Variants in PDE7B observed in about 807,000 individuals in gnomAD.
PDE7B encodes phosphodiesterase 7B.
PDE7B carries 29 observed loss-of-function variants against 56.2 expected under a neutral mutation model. The ratio of observed to expected loss-of-function variants is 0.52; its 90% CI spans 0.38 to 0.70. PDE7B has a LOEUF of 0.70. PDE7B is among the 30% of genes least tolerant of loss of function. PDE7B has a pLI of 0.00. For synonymous variants in PDE7B, 197 were observed against 196.9 expected, an observed-to-expected ratio of 1.00 and a Z score of 0.00; for missense variants, 490 against 565.0, an observed-to-expected ratio of 0.87 and a Z score of 1.35.
chr6:135,976,032 T>C (rs1043524747), intron 2 of PDE7B, among the ~76,000 whole-genome samples: 4 of 152,058 alleles, frequency 2.6e-5, no homozygotes, highest in Non-Finnish European at 5.9e-5. Context: ...AACCCAGAAA[T>C]GGTGGCGTTC....
At chr6:136,028,329 G>A (rs1014458187) in intron 2 of PDE7B, among the ~76,000 whole-genome samples, 2 of 152,120 alleles carry the variant, frequency 1.3e-5, no homozygotes, top group Non-Finnish European at 2.9e-5. Context: ...CTTTAAGGTG[G>A]GGCACAAAGA....
intron 2 of PDE7B, among the ~76,000 whole-genome samples, chr6:136,101,757 G>A (rs1400998642): frequency 6.6e-6 from 1 of 152,244 alleles, no homozygotes; most frequent in East Asian, 1.9e-4. Flanking sequence ...ACACTCCAGT[G>A]GAGTCTACAT....
intron 3 of PDE7B, among the ~76,000 whole-genome samples, chr6:136,119,414 G>A (rs771143326): frequency 5.9e-5 from 9 of 151,836 alleles, no homozygotes; most frequent in Non-Finnish European, 7.4e-5. Context: ...TTCAATGTCC[G>A]CCAGAAAAAG....
At chr6:136,174,638 CCTT>C (rs1778948196) in intron 9 of PDE7B, among the ~76,000 whole-genome samples, 1 of 152,000 alleles carries the variant, frequency 6.6e-6, no homozygotes, top group Non-Finnish European at 1.5e-5. Context: ...ATTGCTGTAC[CCTT>C]CTTCAAGACA....
intron 2 of PDE7B, among the ~76,000 whole-genome samples, chr6:135,987,642 C>T (rs945977872): frequency 3.9e-5 from 6 of 152,086 alleles, no homozygotes; most frequent in East Asian, 1.9e-4. Flanking sequence ...ATCACACCAA[C>T]GAGAAGGAGC....
At chr6:135,898,156 C>A (rs1046997508) in intron 1 of PDE7B, among the ~76,000 whole-genome samples, 1 of 152,090 alleles carries the variant, frequency 6.6e-6, no homozygotes. Context: ...CTGCCCAGAT[C>A]AAAACTGGCA....
chr6:135,913,400 C>T (rs1776244030), intron 1 of PDE7B, among the ~76,000 whole-genome samples: 1 of 152,088 alleles, frequency 6.6e-6, no homozygotes, highest in Non-Finnish European at 1.5e-5. Context: ...GACCTTTTGA[C>T]CCACTCCTTT....
intron 2 of PDE7B, among the ~76,000 whole-genome samples, chr6:136,087,813 G>A (rs529819614): frequency 6.6e-6 from 1 of 152,248 alleles, no homozygotes; most frequent in African/African-American, 2.4e-5. Flanking sequence ...TTCTGGTTTA[G>A]GGGTTGTAAT....
chr6:135,986,729 T>C (rs1775382608), intron 2 of PDE7B, among the ~76,000 whole-genome samples: 1 of 152,262 alleles, frequency 6.6e-6, no homozygotes, highest in Non-Finnish European at 1.5e-5. Context: ...TTAGTGTTAC[T>C]TTCTTCAACA....
chr6:135,976,768 A>G (rs4133053), intron 2 of PDE7B, among the ~76,000 whole-genome samples: 29,346 of 152,140 alleles, frequency 0.19, 3,618 homozygotes, highest in Non-Finnish European at 0.27. Context: ...TCTGATCTGC[A>G]AATAGTATGA....
chr6:135,931,149 A>T (rs745592113), intron 1 of PDE7B, among the ~76,000 whole-genome samples: 17 of 152,224 alleles, frequency 1.1e-4, no homozygotes, highest in Non-Finnish European at 2.1e-4. Flanking sequence ...GAAGATAAAG[A>T]CTAGTAATGA....
At chr6:136,079,272 T>C (rs1200927491) in intron 2 of PDE7B, among the ~76,000 whole-genome samples, 2 of 152,210 alleles carry the variant, frequency 1.3e-5, no homozygotes, top group East Asian at 1.9e-4. Context: ...GGCAGTACTC[T>C]GGCTTTGTTC....
At chr6:136,132,869 A>G (rs1778141842) in intron 3 of PDE7B, among the ~76,000 whole-genome samples, 1 of 152,178 alleles carries the variant, frequency 6.6e-6, no homozygotes, top group Non-Finnish European at 1.5e-5. Context: ...CTTCCTTAAG[A>G]GTGTCCTGCA....
chr6:136,107,996 G>A (rs745898968), intron 2 of PDE7B, among the ~76,000 whole-genome samples: 6 of 151,870 alleles, frequency 4.0e-5, no homozygotes, highest in East Asian at 1.9e-4. Flanking sequence ...GCATAGTGGC[G>A]TGTGCCTGTA....
At chr6:136,148,459 G>GGCAGGCAGGCA in intron 4 of PDE7B, among the ~76,000 whole-genome samples, 1 of 130,910 alleles carries the variant, frequency 7.6e-6, no homozygotes. Context: ...GAGGGAGGGA[G>GGCAGGCAGGCA]GGAAGGAAGG....
intron 3 of PDE7B, among the ~76,000 whole-genome samples, chr6:136,133,243 TTAATAA>T (rs1297633274): frequency 6.6e-6 from 1 of 150,500 alleles, no homozygotes; most frequent in African/African-American, 2.4e-5. Context: ...AATAATAATA[TTAATAA>T]TAATAAAACA....
intron 2 of PDE7B, chr6:136,094,251 T>C (rs917305624): frequency 7.9e-5 from 12 of 152,334 alleles, no homozygotes; most frequent in African/African-American, 2.6e-4. Flanking sequence ...ATATCACCTA[T>C]TGGAGATTAA....
At position 136,181,167 on chromosome 6, in the gene PDE7B, G is replaced by T. The variant is rs534452856; in HGVS notation, c.949-60G>T. ...AGCTTGATAGCCTCTTTGGCTTGGGGTGCTTTTGCAACTGAAAGAACATCC... is the reference window on the plus strand; with the variant it reads ...AGCTTGATAGCCTCTTTGGCTTGGGTTGCTTTTGCAACTGAAAGAACATCC... On this transcript the variant is annotated intron_variant, in intron 10 of 12. Coordinates refer to ENST00000308191, the MANE Select transcript of PDE7B (RefSeq NM_018945.4). 4 of 1,211,684 alleles carry T rather than the reference G, an allele frequency of 3.3e-6. No homozygotes were observed. In the African/African-American group the frequency reaches 5.9e-5, roughly 18 times the overall value. The allele number at this position is 1,211,684 out of a possible 1,614,324, so 75.1% of individuals were successfully genotyped here.
chr6:136,155,361 C>G, intron 7 of PDE7B, among the ~76,000 whole-genome samples: 1 of 152,150 alleles, frequency 6.6e-6, no homozygotes, highest in Non-Finnish European at 1.5e-5. Flanking sequence ...ATCACAACAA[C>G]AAAACAAAAC....
Sources: gnomAD v4.1 joint callset for allele counts (sites outside exome capture counted in the v4.1 genomes callset) on GRCh38, gnomAD v4.1.1 for gene constraint, MANE v1.5 for transcripts, NCBI Gene and HGNC (gene_info 2026-07-23, HGNC 2026-07-21) for gene names.